Variants in ITGBL1 observed in about 807,000 individuals in gnomAD.
ITGBL1 encodes the protein integrin beta-like protein 1.
A neutral mutation model predicts 68.5 loss-of-function variants in ITGBL1; 51 were observed. That is an observed-to-expected ratio of 0.74 (90% CI 0.59 to 0.94). The LOEUF (loss-of-function observed/expected upper bound fraction) is 0.94, where lower values mean the gene tolerates loss of function less well. Among genes scored for constraint, ITGBL1 ranks in the 40% least tolerant of loss-of-function variants. The probability of loss-of-function intolerance (pLI) is 0.00; values close to 1 mark genes in which losing one functional copy is unlikely to be tolerated. For missense variants in ITGBL1, 649 were observed against 647.4 expected (o/e 1.00, Z -0.03); for synonymous variants, 209 against 227.3 (o/e 0.92, Z 0.72).
At chr13:101,518,419 C>T (rs1242065619) in intron 2 of ITGBL1, among the ~76,000 whole-genome samples, 4 of 152,118 alleles carry the variant, frequency 2.6e-5, no homozygotes, top group Non-Finnish European at 5.9e-5. Flanking sequence ...GTACTTTTGT[C>T]ATCTGTCCAA....
intron 7 of ITGBL1, among the ~76,000 whole-genome samples, chr13:101,676,294 T>A (rs1594973142): frequency 6.6e-6 from 1 of 152,118 alleles, no homozygotes; most frequent in Non-Finnish European, 1.5e-5. Flanking sequence ...ATGATCTTCC[T>A]TGAGGGACAG....
intron 2 of ITGBL1, among the ~76,000 whole-genome samples, chr13:101,484,151 A>T (rs530478388): frequency 3.4e-4 from 52 of 152,240 alleles, no homozygotes; most frequent in African/African-American, 1.2e-3. Flanking sequence ...TCCCAGAAGC[A>T]ACATTTTAGC....
chr13:101,609,286 A>G (rs1451206262), intron 7 of ITGBL1, among the ~76,000 whole-genome samples: 7 of 152,078 alleles, frequency 4.6e-5, no homozygotes, highest in Admixed American at 4.6e-4. Flanking sequence ...GGAGAATTAA[A>G]TAGGGTGCTT....
chr13:101,528,218 A>G (rs1341567522), intron 2 of ITGBL1, among the ~76,000 whole-genome samples: 1 of 151,312 alleles, frequency 6.6e-6, no homozygotes, highest in Non-Finnish European at 1.5e-5. Context: ...TCTGTCTTTC[A>G]GTGAATTTAT....
rs117113989 is a variant in ITGBL1, at chr13:101,532,412, A to T, written c.317-35287A>T. Among the ~76,000 whole-genome samples, 1,468 of 152,278 alleles carry T rather than the reference A, an allele frequency of 9.6e-3. 8 individuals are homozygous for T. The highest frequency in any genetic ancestry group is 0.037 in the Middle Eastern group (11 of 294). On this transcript the variant is annotated intron_variant, in intron 2 of 10. Coordinates refer to ENST00000376180, the MANE Select transcript of ITGBL1 (RefSeq NM_004791.3). The stretch of plus-strand genomic sequence containing the variant: ...CTTAACTATATTTTAGCAGATTCCA[A>T]ATATATGTTAATATATATTTTTGGA...
chr13:101,473,113 C>A (rs1171038128), intron 2 of ITGBL1, among the ~76,000 whole-genome samples: 1 of 152,142 alleles, frequency 6.6e-6, no homozygotes, highest in Non-Finnish European at 1.5e-5. Context: ...CCAACTAGAA[C>A]CCTCCAATGA....
chr13:101,653,873 T>TC (rs1390297097), intron 7 of ITGBL1, among the ~76,000 whole-genome samples: 1 of 147,438 alleles, frequency 6.8e-6, no homozygotes, highest in African/African-American at 2.5e-5. Context: ...GTTTTTTGTT[T>TC]TTTTTTTTTT....
At chr13:101,454,896 G>A (rs1555351736) in intron 2 of ITGBL1, among the ~76,000 whole-genome samples, 1 of 152,168 alleles carries the variant, frequency 6.6e-6, no homozygotes. Context: ...ATTTTCTGAG[G>A]GTGGAGTGAA....
At chr13:101,618,559 A>G (rs2031457514) in intron 7 of ITGBL1, among the ~76,000 whole-genome samples, 1 of 152,216 alleles carries the variant, frequency 6.6e-6, no homozygotes, top group South Asian at 2.1e-4. Context: ...ACAGGGGTAC[A>G]GATGACCTTT....
At chr13:101,559,719 A>C (rs60229376) in intron 2 of ITGBL1, among the ~76,000 whole-genome samples, 70,714 of 152,030 alleles carry the variant, frequency 0.47, 17,996 homozygotes, top group East Asian at 0.62. Flanking sequence ...CCTTGAGCCA[A>C]ACCAAACTAC....
At position 101,604,887 on chromosome 13, in the gene ITGBL1, T is replaced by TATGTATATATATATACACAC; in HGVS notation, c.1015+6589_1015+6590insTGTATATATATATACACACA. 2.3e-4 allele frequency among the ~76,000 whole-genome samples: 5 copies of TATGTATATATATATACACAC among 22,166 alleles called. 1 individual carries two copies. Among genetic ancestry groups the TATGTATATATATATACACAC allele is most frequent in the African/African-American group, 4.5e-4 (3 of 6,636 alleles). 14.5% of individuals were successfully genotyped at this position (22,166 alleles called of 152,430 possible). A position where few individuals can be genotyped will look rare whatever the true frequency, so the allele number is the denominator to read the frequency against. On this transcript the variant is annotated intron_variant, in intron 7 of 10. Transcript: ENST00000376180. ...ATATATATATATATATATATATATA[T>TATGTATATATATATACACAC]ACACACACACACACATATATATGTG...
intron 7 of ITGBL1, among the ~76,000 whole-genome samples, chr13:101,645,030 A>G (rs370882910): frequency 6.6e-5 from 10 of 152,328 alleles, no homozygotes; most frequent in East Asian, 1.9e-4. Context: ...TTTTGACTCA[A>G]TAACAGACAC....
chr13:101,500,244 A>G (rs2048919119), intron 2 of ITGBL1, among the ~76,000 whole-genome samples: 1 of 152,214 alleles, frequency 6.6e-6, no homozygotes, highest in Non-Finnish European at 1.5e-5. Context: ...CTCTTTATAA[A>G]TTGTTTTCTT....
intron 2 of ITGBL1, among the ~76,000 whole-genome samples, chr13:101,522,771 A>T (rs981595783): frequency 1.3e-5 from 2 of 152,152 alleles, no homozygotes; most frequent in African/African-American, 4.8e-5. Context: ...AAAAATGATG[A>T]CAAGTCAGAT....
chr13:101,691,406 A>C (rs2033880198), intron 7 of ITGBL1, among the ~76,000 whole-genome samples: 1 of 152,178 alleles, frequency 6.6e-6, no homozygotes, highest in Admixed American at 6.5e-5. Flanking sequence ...TATGATCCTA[A>C]ATACTAATTT....
At chr13:101,593,269 C>G (rs1233906468) in intron 6 of ITGBL1, among the ~76,000 whole-genome samples, 1 of 151,788 alleles carries the variant, frequency 6.6e-6, no homozygotes, top group Non-Finnish European at 1.5e-5. Flanking sequence ...CAAAAGAAAA[C>G]AAATGTTGGC....
At chr13:101,629,008 G>A (rs1404473046) in intron 7 of ITGBL1, among the ~76,000 whole-genome samples, 2 of 151,976 alleles carry the variant, frequency 1.3e-5, no homozygotes, top group Non-Finnish European at 2.9e-5. Context: ...AAAAATTCAT[G>A]ACTTCACATA....
intron 2 of ITGBL1, among the ~76,000 whole-genome samples, chr13:101,484,088 A>C (rs2139045497): frequency 6.6e-6 from 1 of 151,602 alleles, no homozygotes; most frequent in African/African-American, 2.4e-5. Context: ...TTGTCTAACT[A>C]GTTATATATT....
chr13:101,489,360 G>T (rs2048744028), intron 2 of ITGBL1, among the ~76,000 whole-genome samples: 3 of 152,166 alleles, frequency 2.0e-5, no homozygotes, highest in Non-Finnish European at 1.5e-5. Context: ...TCTTTCCAAA[G>T]TAGGGATCAA....
Sources: gnomAD v4.1 joint callset for allele counts (sites outside exome capture counted in the v4.1 genomes callset) on GRCh38, gnomAD v4.1.1 for gene constraint, MANE v1.5 for transcripts, NCBI Gene and HGNC (gene_info 2026-07-23, HGNC 2026-07-21) for gene names.